Variants in BCKDHB observed in about 807,000 individuals in gnomAD.
BCKDHB encodes the protein branched chain keto acid dehydrogenase E1 subunit beta.
In BCKDHB, 41 loss-of-function variants were observed where a neutral mutation model predicts 48.5. The ratio of observed to expected loss-of-function variants is 0.85; its 90% confidence interval spans 0.66 to 1.10. BCKDHB has a LOEUF of 1.10. Among genes scored for constraint, BCKDHB ranks in the 50% least tolerant of loss-of-function variants. The pLI, the probability that BCKDHB is intolerant of heterozygous loss-of-function variation, is 0.00. For missense variants in BCKDHB, 496 were observed against 494.2 expected (o/e 1.00, Z -0.03); for synonymous variants, 201 against 174.8 (o/e 1.15, Z -1.18).
the BCKDHB span, among the ~76,000 whole-genome samples, chr6:80,461,618 CTTT>C: frequency 6.6e-6 from 1 of 152,200 alleles, no homozygotes; most frequent in Admixed American, 6.5e-5. Context: ...GCTCTGATTT[CTTT>C]TTATTTTTTA....
intron 9 of BCKDHB, chr6:80,307,588 A>T: frequency 1.0e-6 from 1 of 984,852 alleles, no homozygotes; most frequent in Non-Finnish European, 1.2e-6. Context: ...CTAGTGAAAA[A>T]TAACAAGATC....
intron 9 of BCKDHB, among the ~76,000 whole-genome samples, chr6:80,280,817 T>G (rs972393801): frequency 2.6e-5 from 4 of 152,008 alleles, no homozygotes; most frequent in African/African-American, 9.7e-5. Flanking sequence ...TGGGAGTAGG[T>G]TAGAGAAAGG....
At chr6:80,255,823 C>G (rs560146853) in intron 8 of BCKDHB, among the ~76,000 whole-genome samples, 1 of 152,196 alleles carries the variant, frequency 6.6e-6, no homozygotes, top group South Asian at 2.1e-4. Context: ...TATTTTGTTA[C>G]TAGAGAAAAT....
chr6:80,205,796 GT>G (rs1329469883), intron 8 of BCKDHB, among the ~76,000 whole-genome samples: 23 of 134,964 alleles, frequency 1.7e-4, no homozygotes, highest in Non-Finnish European at 2.9e-4. Flanking sequence ...CCATGGGTGT[GT>G]GTGTGTGTGT....
intron 3 of BCKDHB, among the ~76,000 whole-genome samples, chr6:80,140,543 C>G (rs1203147212): frequency 6.6e-6 from 1 of 152,110 alleles, no homozygotes; most frequent in Admixed American, 6.6e-5. Context: ...AAGGCCTTTT[C>G]TGCATCTATT....
At chr6:80,231,177 T>C (rs573872567) in intron 8 of BCKDHB, among the ~76,000 whole-genome samples, 9 of 152,338 alleles carry the variant, frequency 5.9e-5, no homozygotes, top group African/African-American at 2.2e-4. Flanking sequence ...ACAGTTTATG[T>C]AAATTCTACT....
At chr6:80,331,921 G>A (rs570039096) in intron 9 of BCKDHB, among the ~76,000 whole-genome samples, 1 of 151,994 alleles carries the variant, frequency 6.6e-6, no homozygotes, top group African/African-American at 2.4e-5. Flanking sequence ...TTGGGGGTTG[G>A]TTATTTGTTA....
chr6:80,399,992 A>G, the BCKDHB span, among the ~76,000 whole-genome samples: 1 of 152,130 alleles, frequency 6.6e-6, no homozygotes, highest in Non-Finnish European at 1.5e-5. Flanking sequence ...AAGATTCCTT[A>G]TTCAATAAAT....
intron 1 of BCKDHB, among the ~76,000 whole-genome samples, chr6:80,111,450 A>C (rs1216654567): frequency 6.6e-6 from 1 of 152,176 alleles, no homozygotes; most frequent in South Asian, 2.1e-4. Context: ...ATGCTCTCGC[A>C]TTTTTGGCAG....
At chr6:80,236,779 A>C (rs1415782141) in intron 8 of BCKDHB, among the ~76,000 whole-genome samples, 2 of 152,236 alleles carry the variant, frequency 1.3e-5, no homozygotes, top group African/African-American at 4.8e-5. Context: ...TATGTATGTA[A>C]GTCAATATGT....
At chr6:80,327,325 C>T (rs559991659) in intron 9 of BCKDHB, among the ~76,000 whole-genome samples, 170 of 152,130 alleles carry the variant, frequency 1.1e-3, no homozygotes, top group Non-Finnish European at 2.1e-3. Context: ...TTATTGAATA[C>T]TGGAAGTGAA....
chr6:80,445,262 A>T, the BCKDHB span, among the ~76,000 whole-genome samples: 1 of 152,202 alleles, frequency 6.6e-6, no homozygotes, highest in East Asian at 1.9e-4. Context: ...GGACTGAAGA[A>T]ATTTTGTACT....
At chr6:80,446,652 C>T in the BCKDHB span, among the ~76,000 whole-genome samples, 3 of 149,726 alleles carry the variant, frequency 2.0e-5, no homozygotes, top group South Asian at 2.1e-4. Context: ...GAAAGAAACA[C>T]GAAAAGTGGT....
the BCKDHB span, among the ~76,000 whole-genome samples, chr6:80,370,838 G>GTA: frequency 6.6e-6 from 1 of 151,264 alleles, no homozygotes; most frequent in South Asian, 2.1e-4. Context: ...GTGTGTGTGT[G>GTA]TTTGTGTGTG....
chr6:80,274,352 A>T (rs920510030), intron 9 of BCKDHB, among the ~76,000 whole-genome samples: 1 of 151,954 alleles, frequency 6.6e-6, no homozygotes, highest in Non-Finnish European at 1.5e-5. Flanking sequence ...AGTTTTGTAG[A>T]TTTATTGTTT....
chr6:80,332,410 A>C (rs1483676244), intron 9 of BCKDHB, among the ~76,000 whole-genome samples: 1 of 152,162 alleles, frequency 6.6e-6, no homozygotes, highest in Non-Finnish European at 1.5e-5. Context: ...TTCTTTAAAT[A>C]CTCCTGAAGT....
At chr6:80,145,278 C>T (rs1447936121) in intron 3 of BCKDHB, among the ~76,000 whole-genome samples, 3 of 152,128 alleles carry the variant, frequency 2.0e-5, no homozygotes, top group Non-Finnish European at 4.4e-5. Flanking sequence ...TTGTGCACAG[C>T]CATGAGTGGA....
chr6:80,210,163 G>A (rs976034721), intron 8 of BCKDHB, among the ~76,000 whole-genome samples: 5 of 147,534 alleles, frequency 3.4e-5, no homozygotes, highest in African/African-American at 7.5e-5. Flanking sequence ...AACCAGAAGC[G>A]TTCATAGGAA....
chr6:80,245,812 A>G (rs1335822172), intron 8 of BCKDHB, among the ~76,000 whole-genome samples: 2 of 152,194 alleles, frequency 1.3e-5, no homozygotes, highest in South Asian at 2.1e-4. Flanking sequence ...ACGGTGGTTC[A>G]TGTCTGCAAT....
Sources: gnomAD v4.1 joint callset for allele counts (sites outside exome capture counted in the v4.1 genomes callset) on GRCh38, gnomAD v4.1.1 for gene constraint, MANE v1.5 for transcripts, NCBI Gene and HGNC (gene_info 2026-07-23, HGNC 2026-07-21) for gene names.